FAM3A: variants seen among roughly 807,000 people sequenced by gnomAD.
FAM3A encodes the protein FAM3 metabolism regulating signaling molecule A.
Under a neutral mutation model 18.1 loss-of-function variants are expected in FAM3A, and 5 were observed. The observed-to-expected ratio is 0.28, with a 90% CI of 0.14 to 0.58. The LOEUF is 0.58. Among genes scored for constraint, FAM3A ranks in the 20% least tolerant of loss-of-function variants. The pLI is 0.91. For synonymous variants in FAM3A, 108 were observed against 90.2 expected (o/e 1.20, Z -1.12); for missense variants, 154 against 216.6 (o/e 0.71, Z 1.81).
Position 154,508,625 on chromosome X carries a change from T to C in FAM3A, c.152-28A>G, listed in dbSNP as rs1251834989. ...GGGCAGGGATAGCAGGTGTTATCCA[T>C]GGGCCTGGCCCTGAGGTCACCTGAG... On this transcript the variant is annotated intron_variant, in intron 3 of 8. Transcript: ENST00000447601. 7 of 1,173,876 alleles carry C rather than the reference T, an allele frequency of 6.0e-6. No homozygotes were observed. In the Admixed American group the frequency reaches 1.5e-4, roughly 25 times the overall value.
At chrX:154,510,461 G>A (rs1414237838) in intron 3 of FAM3A, 1 of 100,703 alleles carries the variant, frequency 9.9e-6, no homozygotes, top group Non-Finnish European at 2.0e-5. Flanking sequence ...AGGAGTTTGA[G>A]CTTACAGTGC....
At chrX:154,515,181 A>C (rs1320634341) in intron 1 of FAM3A, among the ~76,000 whole-genome samples, 1 of 112,053 alleles carries the variant, frequency 8.9e-6, no homozygotes, top group Non-Finnish European at 1.9e-5. Context: ...CCATGTGTCA[A>C]TGACTTTCTA....
At position 154,512,859 on chromosome X, in the gene FAM3A, C is replaced by T. The variant is rs782726344; in HGVS notation, c.91G>A (p.Gly31Ser). The T allele has an allele frequency of 2.5e-6, 3 of 1,210,889 alleles. No homozygotes were observed. Among genetic ancestry groups the T allele is most frequent in the Admixed American group, 2.2e-5 (1 of 46,049 alleles). The change falls in exon 2 of 9, where the codon GGC (glycine) becomes AGC (serine). Residue 31 changes from glycine (G) to serine (S), a missense_variant. Gly to Ser is a moderately conservative substitution (Grantham distance 56). This residue lies in a region of FAM3A where 112 missense variants were observed against 160.0 expected (regional missense o/e 0.70). Transcript: ENST00000447601. Reference protein sequence around the residue: ...IVVSILLGGPGSGFPRIQQLF... With the variant: ...IVVSILLGGPSSGFPRIQQLF... ...TGCTGGATGCGAGGAAAGCCACTGC[C>T]AGGCCCACCCAGGAGGATGCTGACC...
chrX:154,507,194 C>A lies in FAM3A; in HGVS notation c.597+9G>T. On this transcript the variant is annotated intron_variant, in intron 8 of 8. Transcript: ENST00000447601. ...CCCCGGTGGGGGTGATGCCAGGCAC[C>A]CCCCATACCTGCTCAAAGGGGCTCT... The A allele has an allele frequency of 8.4e-7, 1 of 1,193,656 alleles. No individual in the cohort carries two copies. Among genetic ancestry groups the A allele is most frequent in the African/African-American group, 1.7e-5 (1 of 57,362 alleles).
intron 8 of FAM3A, 98 bp downstream of exon 8, chrX:154,507,105 C>A: frequency 9.2e-7 from 1 of 1,082,055 alleles, no homozygotes; most frequent in African/African-American, 1.8e-5. Flanking sequence ...TGGGGACGGT[C>A]CCCTGCTGGG....
chrX:154,508,389 G>T, intron 4 of FAM3A, 42 bp from the exon 5 acceptor site: 7 of 1,149,102 alleles, frequency 6.1e-6, no homozygotes, highest in Non-Finnish European at 8.2e-6. Context: ...ATCCCACATG[G>T]GCACGTCTGC....
Position 154,515,899 on chromosome X carries a change from G to A in FAM3A, c.-127C>T. On this transcript the variant is annotated 5_prime_UTR_variant, in exon 1 of 9. Coordinates refer to ENST00000447601, the MANE Select transcript of FAM3A (RefSeq NM_021806.4). Reference sequence around the variant, plus strand: ...ACCCCTGCTGGGGGCGGGCGCGATCGGTGCTACGACCTGTTTGTCCAGCCG... The same window carrying A: ...ACCCCTGCTGGGGGCGGGCGCGATCAGTGCTACGACCTGTTTGTCCAGCCG... 2.9e-6 allele frequency: 2 copies of A among 697,444 alleles called. No homozygotes were observed. The highest frequency in any genetic ancestry group is 2.2e-6 in the Non-Finnish European group (1 of 450,384). The allele number at this position is 697,444 out of a possible 1,213,427, so 57.5% of individuals were successfully genotyped here. A position where few individuals can be genotyped will look rare whatever the true frequency, so the allele number is the denominator to read the frequency against.
chrX:154,510,223 G>A (rs1309773090), intron 3 of FAM3A: 5 of 111,678 alleles, frequency 4.5e-5, no homozygotes, highest in Non-Finnish European at 7.5e-5. Context: ...AAAATAAGCT[G>A]GGTGTGGTGG....
intron 1 of FAM3A, 72 bp from the exon 2 acceptor site, chrX:154,513,008 G>C: frequency 1.5e-6 from 1 of 682,745 alleles, no homozygotes; most frequent in Non-Finnish European, 2.3e-6. Context: ...CCATAGCCTT[G>C]CATGACTGGA....
At position 154,507,343 on chromosome X, in the gene FAM3A, G is replaced by A; in HGVS notation, c.471-14C>T. The A allele has an allele frequency of 8.3e-7, 1 of 1,212,007 alleles. No individual in the cohort carries two copies. Among genetic ancestry groups the A allele is most frequent in the Non-Finnish European group, 1.1e-6 (1 of 895,497 alleles). ...TCTTCATTCATCCTGCAGCATGGGA[G>A]GAAGGGGTGTCAGCTGTTGCTGCAG... On this transcript the variant is annotated splice_polypyrimidine_tract_variant and intron_variant, in intron 7 of 8. Coordinates refer to ENST00000447601, the MANE Select transcript of FAM3A (RefSeq NM_021806.4).
chrX:154,512,437 T>TCAAA (rs782041207), intron 2 of FAM3A: 5 of 216,267 alleles, frequency 2.3e-5, no homozygotes, highest in Non-Finnish European at 3.3e-5. Flanking sequence ...AGACACTGTC[T>TCAAA]CAAACAAACA....
chrX:154,507,089 C>A, intron 8 of FAM3A, 114 bp downstream of exon 8: 1 of 1,039,870 alleles, frequency 9.6e-7, no homozygotes, highest in Non-Finnish European at 1.3e-6. Context: ...CCCCTCATAG[C>A]TGGACTGGGG....
At chrX:154,515,123 AGT>A (rs782535965) in intron 1 of FAM3A, among the ~76,000 whole-genome samples, 6 of 112,240 alleles carry the variant, frequency 5.3e-5, no homozygotes, top group Non-Finnish European at 1.1e-4. Flanking sequence ...CCCGGCCTGT[AGT>A]GTGTTTTTAG....
chrX:154,507,036 T>C, intron 8 of FAM3A, 130 bp from the exon 9 acceptor site: 1 of 900,450 alleles, frequency 1.1e-6, no homozygotes, highest in Non-Finnish European at 1.6e-6. Flanking sequence ...ACTTGGCCCC[T>C]CCACCCATCC....
chrX:154,514,941 G>A (rs1165748133), intron 1 of FAM3A, among the ~76,000 whole-genome samples: 1 of 107,535 alleles, frequency 9.3e-6, no homozygotes, highest in Non-Finnish European at 1.9e-5. Flanking sequence ...TCAGCCTCCC[G>A]GGTAGCTGGG....
In FAM3A at chrX:154,507,386, T is replaced by G; in HGVS notation, c.470+20A>C. On this transcript the variant is annotated intron_variant, in intron 7 of 8. Coordinates refer to ENST00000447601, the MANE Select transcript of FAM3A (RefSeq NM_021806.4). ...TGCTGCAGAAGGGCAAGGCTGAGGC[T>G]GGCCTCCCCAAGCACCTACTTGGTG... 1 of 1,211,788 alleles carries G rather than the reference T, an allele frequency of 8.3e-7. No individual in the cohort carries two copies. The highest frequency in any genetic ancestry group is 1.8e-5 in the South Asian group (1 of 57,024).
At position 154,506,557 on chromosome X, in the gene FAM3A, G is replaced by C; in HGVS notation, c.*254C>G. 5.1e-6 allele frequency: 2 copies of C among 393,211 alleles called. No homozygotes were observed. The highest frequency in any genetic ancestry group is 7.4e-5 in the South Asian group (2 of 26,858). The allele number at this position is 393,211 out of a possible 1,213,427, so 32.4% of individuals were successfully genotyped here. On this transcript the variant is annotated 3_prime_UTR_variant, in exon 9 of 9. Transcript: ENST00000447601. ...ACAGGGCTAGATGGGCTGACCGGGGGGAACAGTGTTACGAAAAGGAGGCGG... is the reference window on the plus strand; with the variant it reads ...ACAGGGCTAGATGGGCTGACCGGGGCGAACAGTGTTACGAAAAGGAGGCGG...
Position 154,508,491 on chromosome X carries a change from G to C in FAM3A, c.258C>G (p.Ile86Met). 8.3e-7 allele frequency: 1 copy of C among 1,208,464 alleles called. No homozygotes were observed. Among genetic ancestry groups the C allele is most frequent in the South Asian group, 1.8e-5 (1 of 56,396 alleles). The part of the protein sequence containing the change: ...SGAANVIGPK[I>M]CLEDKMLMSS... Reference sequence around the variant, plus strand: ...GAGCTCACATCTTGTCCTCGAGGCAGATCTTGGGCCCAATGACGTTGGCGG... The same window carrying C: ...GAGCTCACATCTTGTCCTCGAGGCACATCTTGGGCCCAATGACGTTGGCGG... The change falls in exon 4 of 9, where the codon ATC becomes ATG. Residue 86 changes from isoleucine (I) to methionine (M), a missense_variant. By Grantham distance (10) the Ile-to-Met change is conservative (BLOSUM62 1). Around this residue, in one of 3 missense-constraint regions of FAM3A, gnomAD observed 112 missense variants for 160.0 expected, o/e 0.70. Transcript: ENST00000447601.
In FAM3A at chrX:154,508,359, G is replaced by A. The variant is rs1205875979; in HGVS notation, c.276-12C>T. 1.7e-5 allele frequency: 7 copies of A among 416,761 alleles called. No homozygotes were observed. The East Asian group carries it at 1.9e-4, about 11-fold the overall frequency. The allele number at this position is 416,761 out of a possible 1,213,427, so 34.3% of individuals were successfully genotyped here. On this transcript the variant is annotated splice_polypyrimidine_tract_variant and intron_variant, in intron 4 of 8. Transcript: ENST00000447601. ...CGCTGCTCATCAGCCTAGTTGGGGG[G>A]GGGTGGGGGGGACGGGGAGATCCCA...
Sources: allele counts gnomAD v4.1 joint callset (sites outside exome capture counted in the v4.1 genomes callset), GRCh38; gene constraint gnomAD v4.1.1; regional missense constraint gnomAD v4.1.1; transcripts MANE v1.5; gene names NCBI Gene and HGNC (gene_info 2026-07-23, HGNC 2026-07-21).